The following GALNS variants were observed in gnomAD, a reference collection of about 807,000 sequenced individuals.
The protein encoded by GALNS is N-acetylgalactosamine-6-sulfatase.
A neutral mutation model predicts 65.9 loss-of-function variants in GALNS; 65 were observed. The ratio of observed to expected loss-of-function variants is 0.99; its 90% CI spans 0.81 to 1.21. The LOEUF is 1.21. Ranked by LOEUF, GALNS falls within the 50% of genes most tolerant of loss-of-function variation. GALNS has a pLI of 0.00. For missense variants in GALNS, 776 were observed against 700.7 expected (o/e 1.11, Z -1.21); for synonymous variants, 346 against 288.9 (o/e 1.20, Z -2.00).
chr16:88,835,640 G>A (rs1912040323), intron 7 of GALNS, 85 bp downstream of exon 7: 4 of 1,593,294 alleles, frequency 2.5e-6, no homozygotes, highest in Non-Finnish European at 2.6e-6. Flanking sequence ...TGGCCTAAAT[G>A]CCACGGTACT....
chr16:88,832,082 A>G lies in GALNS; in HGVS notation c.918T>C (p.Phe306=). 6.2e-7 allele frequency: 1 copy of G among 1,613,822 alleles called. No homozygotes were observed. Among genetic ancestry groups the G allele is most frequent in the Non-Finnish European group, 8.5e-7 (1 of 1,179,886 alleles). Residue 306 remains phenylalanine, a synonymous_variant, in exon 9 of 14, where the codon TTT becomes TTC. Coordinates refer to ENST00000268695, the MANE Select transcript of GALNS (RefSeq NM_000512.5). ...CAAACGTGGTCTGCTTCCCACACAG[A>G]AAGGGGCCGTTGCTGCCACCTGGGA... ...APEQGGSNGP[F]LCGKQTTFEG... is the part of the protein sequence containing the mutation.
At position 88,841,517 on chromosome 16, in the gene GALNS, A is replaced by T. The variant is rs538268539; in HGVS notation, c.319+380T>A. On this transcript the variant is annotated intron_variant, in intron 3 of 13. Coordinates refer to ENST00000268695, the MANE Select transcript of GALNS (RefSeq NM_000512.5). ...CACTGGAAATCCCACTTCCCCTGTG[A>T]GATGCCCCTGGGGAGCCCATCCAAA... 7.6e-4 allele frequency among the ~76,000 whole-genome samples: 116 copies of T among 152,194 alleles called. 2 individuals are homozygous for T. The highest frequency in any genetic ancestry group is 5.6e-3 in the Admixed American group (85 of 15,292).
chr16:88,830,524 T>C (rs1363594936), intron 9 of GALNS, among the ~76,000 whole-genome samples: 1 of 152,198 alleles, frequency 6.6e-6, no homozygotes, highest in Non-Finnish European at 1.5e-5. Flanking sequence ...AGGGGATGGC[T>C]GCCTCTGGAG....
intron 9 of GALNS, among the ~76,000 whole-genome samples, chr16:88,829,226 G>A (rs866958654): frequency 6.6e-6 from 1 of 151,986 alleles, no homozygotes; most frequent in Non-Finnish European, 1.5e-5. Flanking sequence ...AGTGACCACC[G>A]GCCACTCCCT....
chr16:88,843,477 G>A (rs924384549), intron 1 of GALNS: 59 of 336,994 alleles, frequency 1.8e-4, no homozygotes, highest in South Asian at 1.2e-3. Context: ...TACTACGTGG[G>A]TGTGGCCACA....
At chr16:88,843,810 C>T (rs919292006) in intron 1 of GALNS, 6 of 154,612 alleles carry the variant, frequency 3.9e-5, no homozygotes, top group South Asian at 4.0e-4. Flanking sequence ...GCACGTACCG[C>T]GGCACACTAC....
chr16:88,854,668 G>A (rs1967692669), intron 1 of GALNS, among the ~76,000 whole-genome samples: 1 of 152,212 alleles, frequency 6.6e-6, no homozygotes, highest in Non-Finnish European at 1.5e-5. Flanking sequence ...GACTGCAGGG[G>A]TGACTTGGAG....
At chr16:88,845,833 A>C (rs1472228281) in intron 1 of GALNS, among the ~76,000 whole-genome samples, 1 of 151,976 alleles carries the variant, frequency 6.6e-6, no homozygotes, top group Non-Finnish European at 1.5e-5. Flanking sequence ...CTCTAAAAAA[A>C]AAAAAAAAGC....
At chr16:88,840,926 C>T (rs1222044800) in intron 4 of GALNS, 66 bp downstream of exon 4, 2 of 1,279,874 alleles carry the variant, frequency 1.6e-6, no homozygotes, top group East Asian at 2.3e-5. Context: ...TGGCCATGTC[C>T]CTTGGAACCA....
chr16:88,830,942 G>T (rs902060398), intron 9 of GALNS, among the ~76,000 whole-genome samples: 2 of 152,206 alleles, frequency 1.3e-5, no homozygotes, highest in Admixed American at 1.3e-4. Context: ...CCTGCTCTAA[G>T]CCCCTTCTAG....
intron 1 of GALNS, 66 bp from the exon 2 acceptor site, chr16:88,842,895 G>A: frequency 6.3e-7 from 1 of 1,594,052 alleles, no homozygotes. Context: ...CTGGGGAGCT[G>A]CCCATGGTGC....
rs398123435 is a variant in GALNS, at chr16:88,842,732, T to C, written c.218A>G (p.Tyr73Cys). The C allele has an allele frequency of 1.2e-6, 2 of 1,613,004 alleles. No individual in the cohort carries two copies. Among genetic ancestry groups the C allele is most frequent in the African/African-American group, 2.7e-5 (2 of 75,042 alleles). ...TGGCGAGCACAGAGGGTTGGCAGAA[T>C]AGAAGTTTGGGAAAAGCAGCCCTTC... The part of the protein sequence containing the change: ...AAEGLLFPNF[Y>C]SANPLCSPSR... Residue 73 changes from tyrosine (Y) to cysteine (C), a missense_variant, in exon 2 of 14, where the codon TAT (tyrosine) becomes TGT (cysteine). By Grantham distance (194) the Tyr-to-Cys change is radical. Transcript: ENST00000268695.
intron 1 of GALNS, among the ~76,000 whole-genome samples, chr16:88,849,151 G>A (rs1967393099): frequency 6.6e-6 from 1 of 152,162 alleles, no homozygotes; most frequent in Non-Finnish European, 1.5e-5. Flanking sequence ...GTCTCACTCT[G>A]ACAAACAGGC....
Position 88,819,463 on chromosome 16 carries a change from C to T in GALNS, c.1365-1339G>A, listed in dbSNP as rs1053729216. ...CCAAATACTGCTGGTTGAGAACTGG[C>T]GTGAACTGCACGTGCACTTTCTGAC... is the stretch of plus-strand genomic sequence containing the variant. On this transcript the variant is annotated intron_variant, in intron 12 of 13. Coordinates refer to ENST00000268695, the MANE Select transcript of GALNS (RefSeq NM_000512.5). 2.4e-4 allele frequency among the ~76,000 whole-genome samples: 36 copies of T among 152,354 alleles called. No individual in the cohort carries two copies. The East Asian group carries it at 4.6e-3, about 20-fold the overall frequency.
intron 9 of GALNS, among the ~76,000 whole-genome samples, chr16:88,831,789 G>C (rs1468467968): frequency 2.3e-5 from 3 of 132,828 alleles, no homozygotes; most frequent in African/African-American, 9.0e-5. Context: ...GGGGAGGAGA[G>C]CGGTGAGGCC....
At position 88,816,109 on chromosome 16, in the gene GALNS, G is replaced by A. The variant is rs111650018; in HGVS notation, c.1483-1584C>T. On this transcript the variant is annotated intron_variant, in intron 13 of 13. Coordinates refer to ENST00000268695, the MANE Select transcript of GALNS (RefSeq NM_000512.5). ...CCCTCAGACCCCAGTGGCTCAGCTC[G>A]CCAGGTCTGAGTTGGCACTTTTCCC... The A allele has an allele frequency of 1.1e-3, 1,131 of 985,168 alleles. 8 individuals are homozygous for A. The African/African-American group carries it at 0.017, about 15-fold the overall frequency. 61.0% of individuals were successfully genotyped at this position (985,168 alleles called of 1,614,324 possible). A position where few individuals can be genotyped will look rare whatever the true frequency, so the allele number is the denominator to read the frequency against.
At chr16:88,831,295 C>G (rs1161167186) in intron 9 of GALNS, among the ~76,000 whole-genome samples, 10 of 61,824 alleles carry the variant, frequency 1.6e-4, no homozygotes, top group Middle Eastern at 8.9e-3. Context: ...GCGGTGAGGC[C>G]GAGCACGGGG....
At chr16:88,823,731 C>T (rs1475959552) in intron 11 of GALNS, among the ~76,000 whole-genome samples, 2 of 129,382 alleles carry the variant, frequency 1.5e-5, no homozygotes, top group Admixed American at 8.0e-5. Context: ...CCCTCGCAGG[C>T]GGCAATGCCC....
Position 88,814,178 on chromosome 16 carries a change from A to C in GALNS, c.*261T>G, listed in dbSNP as rs915733731. The C allele has an allele frequency of 3.9e-5, 22 of 570,052 alleles. No individual in the cohort carries two copies. In the South Asian group the frequency reaches 4.4e-4, roughly 11 times the overall value. 35.3% of individuals were successfully genotyped at this position (570,052 alleles called of 1,614,324 possible). A position where few individuals can be genotyped will look rare whatever the true frequency, so the allele number is the denominator to read the frequency against. On this transcript the variant is annotated 3_prime_UTR_variant, in exon 14 of 14. Transcript: ENST00000268695. The stretch of plus-strand genomic sequence containing the variant: ...TATTTGGGGTTCACAAAGGCGTGAG[A>C]CGGCAGGGTCCTGAGGTCTGAGGCG...
Sources: allele counts gnomAD v4.1 joint callset (sites outside exome capture counted in the v4.1 genomes callset), GRCh38; gene constraint gnomAD v4.1.1; transcripts MANE v1.5; gene names NCBI Gene and HGNC (gene_info 2026-07-23, HGNC 2026-07-21).